The following LEF1 variants were observed in gnomAD, a reference collection of about 807,000 sequenced individuals.
The protein encoded by LEF1 is lymphoid enhancer binding factor 1, also known as lymphoid enhancer-binding factor 1.
A neutral mutation model predicts 51.2 loss-of-function variants in LEF1; 14 were observed. The observed-to-expected ratio is 0.27, with a 90% CI of 0.18 to 0.43. The LOEUF is 0.43. Among genes scored for constraint, LEF1 ranks in the 20% least tolerant of loss-of-function variants. The pLI, the probability that LEF1 is intolerant of heterozygous loss-of-function variation, is 1.00. For missense variants in LEF1, 386 were observed against 512.0 expected (o/e 0.75, Z 2.37); for synonymous variants, 185 against 183.2 (o/e 1.01, Z -0.08).
At chr4:108,092,939 A>AAC (rs1553952203) in intron 3 of LEF1, among the ~76,000 whole-genome samples, 25,396 of 90,514 alleles carry the variant, frequency 0.28, 5,321 homozygotes, top group Non-Finnish European at 0.37. Flanking sequence ...AAAAAAAAAA[A>AAC]AAAAAAAAAA....
intron 3 of LEF1, among the ~76,000 whole-genome samples, chr4:108,116,699 C>T (rs774054918): frequency 6.6e-6 from 1 of 152,118 alleles, no homozygotes; most frequent in Non-Finnish European, 1.5e-5. Context: ...GTGGTGGGAG[C>T]CTGGATTCTG....
chr4:108,067,240 T>C lies in LEF1; in HGVS notation c.1117-2856A>G, dbSNP rs568473824. Among the ~76,000 whole-genome samples, 294 of 152,338 alleles carry C rather than the reference T, an allele frequency of 1.9e-3. 1 individual carries two copies. Among genetic ancestry groups the C allele is most frequent in the African/African-American group, 6.8e-3 (282 of 41,580 alleles). On this transcript the variant is annotated intron_variant, in intron 9 of 11. Coordinates refer to ENST00000265165, the MANE Select transcript of LEF1 (RefSeq NM_016269.5). ...TTGTGCAGAGGGAAATCTTTAAAGA[T>C]AAATCACATTACAGTAGCTTTCTTT... is the stretch of plus-strand genomic sequence containing the variant.
In LEF1 at chr4:108,104,475, A is replaced by T. The variant is rs181348871; in HGVS notation, c.415-15218T>A. ...ATATTATATATAAATTATATATATA[A>T]AATATATATATAAATTATTATATAA... On this transcript the variant is annotated intron_variant, in intron 3 of 11. Transcript: ENST00000265165. 3.6e-3 allele frequency among the ~76,000 whole-genome samples: 534 copies of T among 147,492 alleles called. 4 individuals carry two copies. The highest frequency in any genetic ancestry group is 0.012 in the African/African-American group (499 of 40,696).
chr4:108,110,438 G>A (rs1375458346), intron 3 of LEF1, among the ~76,000 whole-genome samples: 1 of 152,114 alleles, frequency 6.6e-6, no homozygotes, highest in East Asian at 1.9e-4. Flanking sequence ...GTTGCTAATA[G>A]GATGATTGCA....
intron 3 of LEF1, among the ~76,000 whole-genome samples, chr4:108,116,668 C>A (rs1260077119): frequency 6.6e-6 from 1 of 152,180 alleles, no homozygotes; most frequent in Non-Finnish European, 1.5e-5. Flanking sequence ...AGTCTTACTT[C>A]AGGGCAAAGT....
At chr4:108,083,285 A>G in intron 5 of LEF1, 71 bp downstream of exon 5, 1 of 1,043,302 alleles carries the variant, frequency 9.6e-7, no homozygotes, top group Admixed American at 1.7e-5. Context: ...TCATAAATCT[A>G]ATTTCCATGA....
At chr4:108,162,376 A>G (rs1408658298) in intron 3 of LEF1, among the ~76,000 whole-genome samples, 1 of 152,230 alleles carries the variant, frequency 6.6e-6, no homozygotes, top group East Asian at 1.9e-4. Context: ...CATATTTGAT[A>G]TAAGTATCAT....
At position 108,086,434 on chromosome 4, in the gene LEF1, A is replaced by G. The variant is rs180695630; in HGVS notation, c.547+2691T>C. Among the ~76,000 whole-genome samples the G allele has an allele frequency of 1.5e-3, 221 of 152,228 alleles. 4 individuals carry two copies. The highest frequency in any genetic ancestry group is 0.014 in the Admixed American group (221 of 15,294). Reference sequence around the variant, plus strand: ...AACTAGTATTTATTGAACACTTACTATGTGCTGGAGGATATACTGAGCGTA... The same window carrying G: ...AACTAGTATTTATTGAACACTTACTGTGTGCTGGAGGATATACTGAGCGTA... On this transcript the variant is annotated intron_variant, in intron 4 of 11. Coordinates refer to ENST00000265165, the MANE Select transcript of LEF1 (RefSeq NM_016269.5).
intron 3 of LEF1, among the ~76,000 whole-genome samples, chr4:108,142,534 T>A (rs903054140): frequency 1.8e-4 from 28 of 152,232 alleles, no homozygotes; most frequent in Non-Finnish European, 3.5e-4. Flanking sequence ...TCTAATTTTT[T>A]AAAAATAATT....
chr4:108,142,549 C>T (rs1334120016), intron 3 of LEF1, among the ~76,000 whole-genome samples: 2 of 152,118 alleles, frequency 1.3e-5, no homozygotes, highest in Non-Finnish European at 2.9e-5. Flanking sequence ...ATAATTAAGA[C>T]ATTTTGGACT....
At chr4:108,096,213 C>G (rs1740383571) in intron 3 of LEF1, among the ~76,000 whole-genome samples, 1 of 151,984 alleles carries the variant, frequency 6.6e-6, no homozygotes, top group South Asian at 2.1e-4. Flanking sequence ...AAAGGACCAC[C>G]AGATTCTCAC....
intron 3 of LEF1, among the ~76,000 whole-genome samples, chr4:108,092,942 A>AAAAAAAAAAAACAAC (rs1553952210): frequency 1.4e-5 from 2 of 144,960 alleles, no homozygotes; most frequent in Admixed American, 6.9e-5. Context: ...AAAAAAAAAA[A>AAAAAAAAAAAACAAC]AAAAAAAGAC....
chr4:108,104,696 C>G, intron 3 of LEF1: 1 of 984,470 alleles, frequency 1.0e-6, no homozygotes. Flanking sequence ...ATGCTCTTTC[C>G]CACTCCCCGC....
chr4:108,054,318 C>T (rs555356479), intron 11 of LEF1, among the ~76,000 whole-genome samples: 9 of 152,336 alleles, frequency 5.9e-5, no homozygotes, highest in South Asian at 2.1e-4. Context: ...GCAGGGCAGA[C>T]GCCCTGAAGC....
chr4:108,103,480 A>G (rs1740954334), intron 3 of LEF1, among the ~76,000 whole-genome samples: 1 of 152,222 alleles, frequency 6.6e-6, no homozygotes, highest in African/African-American at 2.4e-5. Context: ...AGTTTACGCT[A>G]CAAATTTCTT....
chr4:108,083,355 C>A lies in LEF1; in HGVS notation c.638+1G>T. 6.2e-7 allele frequency: 1 copy of A among 1,603,200 alleles called. No homozygotes were observed. Among genetic ancestry groups the A allele is most frequent in the Non-Finnish European group, 8.5e-7 (1 of 1,170,096 alleles). On this transcript the variant is annotated splice_donor_variant, in intron 5 of 11. Transcript: ENST00000265165. LOFTEE classifies it high-confidence loss of function. ...GCTGAAGGGTGCAGCAAGGTTCTTA[C>A]CAGCCAAGAGGTGGGGTGATCTGTC...
chr4:108,065,197 T>C (rs1033768318), intron 9 of LEF1, among the ~76,000 whole-genome samples: 6 of 152,198 alleles, frequency 3.9e-5, no homozygotes, highest in African/African-American at 1.4e-4. Flanking sequence ...TCCTCAAAAA[T>C]AATTTTAGGC....
intron 8 of LEF1, among the ~76,000 whole-genome samples, chr4:108,076,534 C>A: frequency 6.6e-6 from 1 of 152,108 alleles, no homozygotes; most frequent in East Asian, 1.9e-4. Flanking sequence ...CACCACCACA[C>A]ACTCAGCTAA....
chr4:108,167,900 C>G lies in LEF1; in HGVS notation c.-133G>C. The G allele has an allele frequency of 1.6e-6, 1 of 619,884 alleles. No homozygotes were observed. Among genetic ancestry groups the G allele is most frequent in the Non-Finnish European group, 2.4e-6 (1 of 422,188 alleles). 38.4% of individuals were successfully genotyped at this position (619,884 alleles called of 1,614,324 possible). A position where few individuals can be genotyped will look rare whatever the true frequency, so the allele number is the denominator to read the frequency against. ...CGTGCAGCAGGACAGCGGGCGGAAG[C>G]GGGGCGGGCGAGCGCGGGGCCGCCG... is the stretch of plus-strand genomic sequence containing the variant. On this transcript the variant is annotated 5_prime_UTR_variant, in exon 1 of 12. Transcript: ENST00000265165. This position sits in a 1 kb window ranked among gnomAD's most constrained non-coding sequence, Gnocchi z 5.7.
Sources: allele counts gnomAD v4.1 joint callset (sites outside exome capture counted in the v4.1 genomes callset), GRCh38; gene constraint gnomAD v4.1.1; non-coding constraint Gnocchi (gnomAD v3.1); transcripts MANE v1.5; gene names NCBI Gene and HGNC (gene_info 2026-07-23, HGNC 2026-07-21).